Variants in AFF2 observed in about 807,000 individuals in gnomAD.
AFF2 encodes ALF transcription elongation factor 2.
A neutral mutation model predicts 76.9 loss-of-function variants in AFF2; 14 were observed. The ratio of observed to expected loss-of-function variants is 0.18; its 90% CI spans 0.12 to 0.28. AFF2 has a LOEUF of 0.28. AFF2 is among the 10% of genes least tolerant of loss of function. The probability of loss-of-function intolerance (pLI) is 1.00; values close to 1 mark genes in which losing one functional copy is unlikely to be tolerated. For missense variants in AFF2, 868 were observed against 1,001.1 expected (o/e 0.87, Z 1.79); for synonymous variants, 398 against 366.7 (o/e 1.09, Z -0.98).
chrX:148,901,750 A>G (rs1423637357), intron 8 of AFF2, among the ~76,000 whole-genome samples: 1 of 112,411 alleles, frequency 8.9e-6, no homozygotes, highest in Admixed American at 9.4e-5. Context: ...ATAATTCCTC[A>G]TAGCATACCT....
chrX:148,739,094 T>C (rs781946444), intron 3 of AFF2, among the ~76,000 whole-genome samples: 1 of 111,739 alleles, frequency 8.9e-6, no homozygotes, highest in Non-Finnish European at 1.9e-5. Flanking sequence ...TATTCTACAG[T>C]TGTTGGATGA....
intron 1 of AFF2, among the ~76,000 whole-genome samples, chrX:148,525,778 C>T (rs782184227): frequency 8.9e-6 from 1 of 112,122 alleles, no homozygotes; most frequent in Non-Finnish European, 1.9e-5. Flanking sequence ...TAAACATCAT[C>T]TATTTTGGAG....
At chrX:148,881,280 C>T (rs782523986) in intron 7 of AFF2, among the ~76,000 whole-genome samples, 22 of 111,764 alleles carry the variant, frequency 2.0e-4, no homozygotes, top group Non-Finnish European at 3.4e-4. Flanking sequence ...CAGTCTTACA[C>T]GCAAACTTCA....
intron 3 of AFF2, among the ~76,000 whole-genome samples, chrX:148,721,617 A>G (rs2055093756): frequency 8.9e-6 from 1 of 111,995 alleles, no homozygotes; most frequent in Non-Finnish European, 1.9e-5. Context: ...AGGGCAGTGT[A>G]GAGGCATGAT....
chrX:148,759,694 A>G (rs2069417398), intron 3 of AFF2, among the ~76,000 whole-genome samples: 1 of 112,053 alleles, frequency 8.9e-6, no homozygotes, highest in African/African-American at 3.2e-5. Flanking sequence ...TGTTTTGAGG[A>G]TAGAAGGATC....
rs1557246498 is a variant in AFF2, at chrX:148,590,473, C to G, written c.48-61526C>G. Among the ~76,000 whole-genome samples the G allele has an allele frequency of 3.6e-5, 4 of 111,473 alleles. No individual in the cohort carries two copies. The Admixed American group carries it at 3.8e-4, about 11-fold the overall frequency. ...CTTTTAGGCCTCCCTCCCTTTCTTC[C>G]TTTTTAATTTCTCAAGCCCCTGAGA... On this transcript the variant is annotated intron_variant, in intron 1 of 20. Transcript: ENST00000370460.
chrX:148,512,950 G>T (rs782448690), intron 1 of AFF2, among the ~76,000 whole-genome samples: 14 of 111,475 alleles, frequency 1.3e-4, no homozygotes, highest in Non-Finnish European at 2.1e-4. Context: ...TGGGTTTCTG[G>T]AGTGTGTAAG....
intron 1 of AFF2, among the ~76,000 whole-genome samples, chrX:148,605,806 T>C (rs1414739637): frequency 8.9e-6 from 1 of 112,158 alleles, no homozygotes; most frequent in African/African-American, 3.2e-5. Context: ...GAGTTCATAC[T>C]GCTATGAATT....
chrX:148,661,837 A>G, intron 2 of AFF2, 71 bp from the exon 3 acceptor site: 2 of 1,037,621 alleles, frequency 1.9e-6, no homozygotes, highest in South Asian at 4.5e-5. Flanking sequence ...CATCTGTTTG[A>G]AACATTAACA....
chrX:148,717,831 T>G (rs2055044140), intron 3 of AFF2, among the ~76,000 whole-genome samples: 1 of 111,107 alleles, frequency 9.0e-6, no homozygotes, highest in African/African-American at 3.3e-5. Flanking sequence ...ACCTGCTGTT[T>G]TAGACACCAC....
At chrX:148,792,709 T>A (rs1385171059) in intron 3 of AFF2, among the ~76,000 whole-genome samples, 7 of 112,381 alleles carry the variant, frequency 6.2e-5, no homozygotes, top group Non-Finnish European at 1.3e-4. Context: ...AGGTTACTGT[T>A]AGGCTATGAT....
chrX:148,900,348 G>T (rs1010424548), intron 8 of AFF2, among the ~76,000 whole-genome samples: 13 of 111,289 alleles, frequency 1.2e-4, no homozygotes, highest in Non-Finnish European at 2.3e-4. Flanking sequence ...GCAGCACAAG[G>T]ATTCTCTATA....
At chrX:148,977,022 G>T (rs2072334156) in intron 16 of AFF2, among the ~76,000 whole-genome samples, 2 of 112,145 alleles carry the variant, frequency 1.8e-5, no homozygotes, top group Admixed American at 1.9e-4. Context: ...GTTGCTGAAA[G>T]CGAGGAGTCA....
At chrX:148,630,134 C>G (rs1003842438) in intron 1 of AFF2, among the ~76,000 whole-genome samples, 18 of 111,372 alleles carry the variant, frequency 1.6e-4, no homozygotes, top group African/African-American at 5.9e-4. Context: ...CTTACCAGAG[C>G]TTCTCTGGTC....
At chrX:148,682,529 A>G (rs2124491666) in intron 3 of AFF2, among the ~76,000 whole-genome samples, 1 of 110,733 alleles carries the variant, frequency 9.0e-6, no homozygotes, top group East Asian at 2.9e-4. Flanking sequence ...GTGTTTTTGG[A>G]GACTAGGCAC....
rs1477951545 is a variant in AFF2, at chrX:148,995,375, C to T, written c.*4043C>T. The T allele has an allele frequency of 1.8e-5, 2 of 108,244 alleles. No individual in the cohort carries two copies. Among genetic ancestry groups the T allele is most frequent in the African/African-American group, 6.8e-5 (2 of 29,550 alleles). 8.9% of individuals were successfully genotyped at this position (108,244 alleles called of 1,213,427 possible). On this transcript the variant is annotated 3_prime_UTR_variant, in exon 21 of 21. Coordinates refer to ENST00000370460, the MANE Select transcript of AFF2 (RefSeq NM_002025.4). Reference sequence around the variant, plus strand: ...AAAGTATTAATTCTCTTTCCATCCTCCTCCTCAGAAATATAGAAGCCCTCT... The same window carrying T: ...AAAGTATTAATTCTCTTTCCATCCTTCTCCTCAGAAATATAGAAGCCCTCT...
chrX:148,691,420 G>T (rs2124502295), intron 3 of AFF2, among the ~76,000 whole-genome samples: 1 of 111,936 alleles, frequency 8.9e-6, no homozygotes, highest in East Asian at 2.8e-4. Flanking sequence ...TGCCATTCTG[G>T]TCTGAAGAAA....
At chrX:148,626,206 G>A (rs2053924264) in intron 1 of AFF2, among the ~76,000 whole-genome samples, 2 of 110,520 alleles carry the variant, frequency 1.8e-5, no homozygotes, top group South Asian at 3.9e-4. Context: ...TTGTCTTAGA[G>A]CAGCATCTCT....
chrX:148,600,897 A>G (rs1283373364), intron 1 of AFF2, among the ~76,000 whole-genome samples: 1 of 112,379 alleles, frequency 8.9e-6, no homozygotes, highest in Non-Finnish European at 1.9e-5. Context: ...GTGTAGAGCA[A>G]ATGCAAAGGC....
Sources: allele counts gnomAD v4.1 joint callset (sites outside exome capture counted in the v4.1 genomes callset), GRCh38; gene constraint gnomAD v4.1.1; transcripts MANE v1.5; gene names NCBI Gene and HGNC (gene_info 2026-07-23, HGNC 2026-07-21).